Variants in RBKS observed in about 807,000 individuals in gnomAD.
RBKS encodes ribokinase.
A neutral mutation model predicts 33.9 loss-of-function variants in RBKS; 33 were observed. The observed-to-expected ratio is 0.97, with a 90% CI of 0.74 to 1.30. The LOEUF is 1.30. Ranked by LOEUF, RBKS falls within the 50% of genes most tolerant of loss-of-function variation. RBKS has a pLI of 0.00. For synonymous variants in RBKS, 125 were observed against 143.0 expected (o/e 0.87, Z 0.90); for missense variants, 361 against 392.6 (o/e 0.92, Z 0.68).
intron 1 of RBKS, among the ~76,000 whole-genome samples, chr2:27,886,723 T>C (rs908628966): frequency 1.3e-5 from 2 of 151,376 alleles, no homozygotes; most frequent in Non-Finnish European, 2.9e-5. Flanking sequence ...AAATAAAAAA[T>C]AGAAAATATA....
In RBKS at chr2:27,795,245, G is replaced by A. The variant is rs1306805835; in HGVS notation, c.796-13457C>T. Among the ~76,000 whole-genome samples the A allele has an allele frequency of 6.6e-6, 1 of 152,144 alleles. No individual in the cohort carries two copies. The highest frequency in any genetic ancestry group is 2.4e-5 in the African/African-American group (1 of 41,438). ...CAGTCTCCACCTTCTCACCAGATGT[G>A]AGATGCAGGGGTTCTGTGTTTTTCT... On this transcript the variant is annotated intron_variant, in intron 7 of 7. Transcript: ENST00000302188. The surrounding 1 kb of genome is among the most constrained non-coding windows in gnomAD (Gnocchi z 4.1).
At chr2:27,858,708 G>A in intron 1 of RBKS, 137 bp from the exon 2 acceptor site, 1 of 706,570 alleles carries the variant, frequency 1.4e-6, no homozygotes, top group Non-Finnish European at 2.3e-6. Flanking sequence ...AAGCAACGAA[G>A]ATTATCTCTT....
At chr2:27,835,420 C>T (rs1678498718) in intron 5 of RBKS, among the ~76,000 whole-genome samples, 1 of 114,552 alleles carries the variant, frequency 8.7e-6, no homozygotes, top group African/African-American at 3.4e-5. Flanking sequence ...TTGTACTACC[C>T]ACCCACCCCA....
intron 7 of RBKS, among the ~76,000 whole-genome samples, chr2:27,806,974 G>A (rs187294272): frequency 1.3e-3 from 203 of 152,306 alleles, no homozygotes; most frequent in African/African-American, 4.6e-3. Flanking sequence ...TCTGGAAAGA[G>A]TGAATTGTTT....
rs144189092 is a variant in RBKS, at chr2:27,871,924, T to C, written c.90-13353A>G. On this transcript the variant is annotated intron_variant, in intron 1 of 7. Transcript: ENST00000302188. ...TAGCATCAGTGCCTCAGCTCCACCT[T>C]AGATCATCAGGCGTTAGATTCTCAA... Among the ~76,000 whole-genome samples, 68 of 152,350 alleles carry C rather than the reference T, an allele frequency of 4.5e-4. No individual in the cohort carries two copies. In the East Asian group the frequency reaches 0.012, roughly 28 times the overall value.
intron 7 of RBKS, among the ~76,000 whole-genome samples, chr2:27,784,428 C>T (rs963851222): frequency 1.3e-5 from 2 of 152,182 alleles, no homozygotes; most frequent in African/African-American, 4.8e-5. Flanking sequence ...ATTTAATGGG[C>T]TATGTGCCCA....
chr2:27,843,366 T>C lies in RBKS; in HGVS notation c.350-135A>G, dbSNP rs994887209. 5 of 595,444 alleles carry C rather than the reference T, an allele frequency of 8.4e-6. No individual in the cohort carries two copies. The African/African-American group carries it at 9.5e-5, about 11-fold the overall frequency. The allele number at this position is 595,444 out of a possible 1,614,324, so 36.9% of individuals were successfully genotyped here. The stretch of plus-strand genomic sequence containing the variant: ...TATTAAGTATTAATTTTAGCATTTC[T>C]AGGTTATTCAGCTTGAACTTTGAGT... On this transcript the variant is annotated intron_variant, in intron 4 of 7. Coordinates refer to ENST00000302188, the MANE Select transcript of RBKS (RefSeq NM_022128.3).
chr2:27,861,899 C>T (rs536849477), intron 1 of RBKS, among the ~76,000 whole-genome samples: 2 of 151,484 alleles, frequency 1.3e-5, no homozygotes, highest in African/African-American at 4.9e-5. Flanking sequence ...CCTGCTTCAG[C>T]CTCCCAAAGA....
chr2:27,871,032 C>T (rs1664200315), intron 1 of RBKS: 1 of 385,504 alleles, frequency 2.6e-6, no homozygotes, highest in Non-Finnish European at 5.3e-6. Flanking sequence ...ATCAATTTGT[C>T]TAGTTATGGT....
chr2:27,881,869 C>T (rs534258306), intron 1 of RBKS, among the ~76,000 whole-genome samples: 9 of 152,270 alleles, frequency 5.9e-5, no homozygotes, highest in African/African-American at 2.2e-4. Flanking sequence ...TAGGCACGTG[C>T]AGAAGACTGA....
At chr2:27,791,523 T>C (rs1005761088) in intron 7 of RBKS, among the ~76,000 whole-genome samples, 55 of 152,002 alleles carry the variant, frequency 3.6e-4, no homozygotes, top group East Asian at 2.9e-3. Flanking sequence ...TCAGACTAAA[T>C]TGTACCCCTG....
At chr2:27,842,123 G>A (rs988621670) in intron 5 of RBKS, among the ~76,000 whole-genome samples, 8 of 152,176 alleles carry the variant, frequency 5.3e-5, no homozygotes, top group African/African-American at 9.7e-5. Flanking sequence ...CTAGGACCAC[G>A]AAGCTGACAA....
In RBKS at chr2:27,832,830, G is replaced by A. The variant is rs1322511588; in HGVS notation, c.515-53C>T. ...TATTAGTTTTCATTTTTAACATGGT[G>A]CATTTACAGACAACATTCAGTAGGG... On this transcript the variant is annotated intron_variant, in intron 5 of 7. Transcript: ENST00000302188. 5.2e-6 allele frequency: 6 copies of A among 1,157,694 alleles called. No homozygotes were observed. The African/African-American group carries it at 6.1e-5, about 12-fold the overall frequency. 71.7% of individuals were successfully genotyped at this position (1,157,694 alleles called of 1,614,324 possible).
At chr2:27,861,187 C>A (rs571024106) in intron 1 of RBKS, among the ~76,000 whole-genome samples, 1 of 152,028 alleles carries the variant, frequency 6.6e-6, no homozygotes, top group Admixed American at 6.5e-5. Flanking sequence ...AGGCTGGTCT[C>A]GAACTTTTGG....
At position 27,832,971 on chromosome 2, in the gene RBKS, C is replaced by T. The variant is rs371305033; in HGVS notation, c.515-194G>A. Among the ~76,000 whole-genome samples the T allele has an allele frequency of 4.1e-4, 63 of 152,290 alleles. 1 individual carries two copies. The highest frequency in any genetic ancestry group is 1.5e-3 in the African/African-American group (62 of 41,560). The stretch of plus-strand genomic sequence containing the variant: ...CAGCTGGGTACCAATTCCCTATTTC[C>T]ATTTTCTTTACTTTGTACTTTACAA... On this transcript the variant is annotated intron_variant, in intron 5 of 7. Coordinates refer to ENST00000302188, the MANE Select transcript of RBKS (RefSeq NM_022128.3).
Position 27,806,282 on chromosome 2 carries a change from G to A in RBKS, c.795+21285C>T, listed in dbSNP as rs1178621330. On this transcript the variant is annotated intron_variant, in intron 7 of 7. Transcript: ENST00000302188. ...CCAGATGAATTGGTAGGCTGAAATG[G>A]CAGAATCTGAGACACATCCATAAGG... 9.2e-5 allele frequency among the ~76,000 whole-genome samples: 14 copies of A among 152,304 alleles called. No individual in the cohort carries two copies. In the South Asian group the frequency reaches 2.9e-3, roughly 32 times the overall value.
chr2:27,870,938 G>A (rs752733680), intron 1 of RBKS: 6 of 456,068 alleles, frequency 1.3e-5, no homozygotes, highest in South Asian at 6.2e-5. Flanking sequence ...TGTCAACATC[G>A]GTAGACTCAT....
chr2:27,887,336 CT>C (rs745831049), intron 1 of RBKS, among the ~76,000 whole-genome samples: 1 of 152,184 alleles, frequency 6.6e-6, no homozygotes, highest in Non-Finnish European at 1.5e-5. Flanking sequence ...GAGCCCAGCC[CT>C]GCTGACACCT....
chr2:27,866,366 C>T (rs954908111), intron 1 of RBKS, among the ~76,000 whole-genome samples: 1 of 152,020 alleles, frequency 6.6e-6, no homozygotes, highest in South Asian at 2.1e-4. Flanking sequence ...AACTGATTTG[C>T]AGGAATTTGA....
Sources: allele counts gnomAD v4.1 joint callset (sites outside exome capture counted in the v4.1 genomes callset), GRCh38; gene constraint gnomAD v4.1.1; non-coding constraint Gnocchi (gnomAD v3.1); transcripts MANE v1.5; gene names NCBI Gene and HGNC (gene_info 2026-07-23, HGNC 2026-07-21).